Variants in HELZ observed in about 807,000 individuals in gnomAD.
The protein encoded by HELZ is ATP-dependent RNA helicase with zinc finger domain.
In HELZ, 23 loss-of-function variants were observed where a neutral mutation model predicts 218.2. The observed-to-expected ratio is 0.11, with a 90% CI of 0.08 to 0.15. HELZ has a LOEUF of 0.15. Ranked by LOEUF, HELZ falls within the 10% of genes least tolerant of loss-of-function variation. The pLI is 1.00. For missense variants in HELZ, 1,813 were observed against 2,353.7 expected (o/e 0.77, Z 4.75); for synonymous variants, 814 against 829.4 (o/e 0.98, Z 0.32).
chr17:67,164,176 C>T (rs558217807), intron 15 of HELZ, among the ~76,000 whole-genome samples: 1 of 152,262 alleles, frequency 6.6e-6, no homozygotes, highest in Non-Finnish European at 1.5e-5. Context: ...GTACAAAGCT[C>T]AGAGTTTACC....
intron 31 of HELZ, among the ~76,000 whole-genome samples, chr17:67,103,225 C>G (rs1247263926): frequency 6.6e-6 from 1 of 151,972 alleles, no homozygotes; most frequent in Admixed American, 6.5e-5. Flanking sequence ...ACCTAGAAAC[C>G]TAATTAAAAG....
intron 13 of HELZ, among the ~76,000 whole-genome samples, chr17:67,177,047 A>T (rs1490909109): frequency 6.6e-6 from 1 of 150,608 alleles, no homozygotes; most frequent in Admixed American, 6.7e-5. Context: ...ATCATAGCTC[A>T]CTGAAGCCTA....
chr17:67,078,845 G>C (rs2036097557), intron 32 of HELZ, among the ~76,000 whole-genome samples: 1 of 152,170 alleles, frequency 6.6e-6, no homozygotes, highest in East Asian at 1.9e-4. Context: ...CTGAAGGCTT[G>C]CTGAAAAATA....
At position 67,218,705 on chromosome 17, in the gene HELZ, G is replaced by A. The variant is rs576129039; in HGVS notation, c.100C>T (p.Leu34Phe). Residue 34 changes from leucine (L) to phenylalanine (F), a missense_variant, in exon 4 of 33, where the codon CTT becomes TTT. Around this residue, in one of 4 missense-constraint regions of HELZ, gnomAD observed 714 missense variants for 1,029.2 expected, o/e 0.69. Transcript: ENST00000358691. Reference sequence around the variant, plus strand: ...GCCATGGAGTACTGGCCAAGAGAAAGAAGGGCCTCTGTGCAGTGCTTGAGG... The same window carrying A: ...GCCATGGAGTACTGGCCAAGAGAAAAAAGGGCCTCTGTGCAGTGCTTGAGG... ...MALKHCTEAL[L>F]SLGQYSMADF... is the part of the protein sequence containing the mutation. 6.2e-7 allele frequency: 1 copy of A among 1,614,190 alleles called. No homozygotes were observed.
chr17:67,187,004 T>C (rs546041563), intron 12 of HELZ, among the ~76,000 whole-genome samples: 5 of 152,322 alleles, frequency 3.3e-5, no homozygotes, highest in African/African-American at 1.2e-4. Context: ...CATTTGCTTA[T>C]GCATTGTCTA....
At chr17:67,223,924 C>T (rs542744390) in intron 3 of HELZ, among the ~76,000 whole-genome samples, 12 of 152,306 alleles carry the variant, frequency 7.9e-5, no homozygotes, top group African/African-American at 2.6e-4. Context: ...TGATCTGTTG[C>T]TGACCTATAA....
chr17:67,196,080 G>A (rs1397386107), intron 7 of HELZ, among the ~76,000 whole-genome samples: 1 of 151,882 alleles, frequency 6.6e-6, no homozygotes, highest in South Asian at 2.1e-4. Context: ...TCCAACTCCT[G>A]ACCTCAGGTG....
At chr17:67,161,505 G>A (rs2038994039) in intron 15 of HELZ, among the ~76,000 whole-genome samples, 1 of 152,158 alleles carries the variant, frequency 6.6e-6, no homozygotes, top group Non-Finnish European at 1.5e-5. Flanking sequence ...GAAACTATCT[G>A]AATTTCAAAT....
Position 67,078,014 on chromosome 17 carries a change from T to C in HELZ, c.*238A>G, listed in dbSNP as rs1477069534. ...CAAACATATGTAACAATACACAAAT[T>C]TAAAAATTTTTTTATTCTACATAAA... On this transcript the variant is annotated 3_prime_UTR_variant, in exon 33 of 33. Transcript: ENST00000358691. The C allele has an allele frequency of 3.0e-6, 1 of 338,246 alleles. No individual in the cohort carries two copies. The highest frequency in any genetic ancestry group is 4.5e-5 in the Admixed American group (1 of 22,400). The allele number at this position is 338,246 out of a possible 1,614,324, so 21.0% of individuals were successfully genotyped here. A position where few individuals can be genotyped will look rare whatever the true frequency, so the allele number is the denominator to read the frequency against.
At chr17:67,121,688 C>T (rs1038933047) in intron 26 of HELZ, among the ~76,000 whole-genome samples, 2 of 152,098 alleles carry the variant, frequency 1.3e-5, no homozygotes, top group South Asian at 2.1e-4. Flanking sequence ...TGAAAATACT[C>T]GTGTCAGCAA....
intron 4 of HELZ, among the ~76,000 whole-genome samples, chr17:67,216,931 T>G (rs2143284872): frequency 6.6e-6 from 1 of 152,282 alleles, no homozygotes; most frequent in African/African-American, 2.4e-5. Context: ...CCCCAACCTC[T>G]TGACACTGCA....
chr17:67,207,248 T>C (rs1353215617), intron 5 of HELZ, among the ~76,000 whole-genome samples: 2 of 118,268 alleles, frequency 1.7e-5, no homozygotes, highest in African/African-American at 6.9e-5. Flanking sequence ...TGAGATGGAG[T>C]CTCGCTTTGT....
At chr17:67,195,514 T>C (rs374959151) in intron 7 of HELZ, 44 bp from the exon 8 acceptor site, 51 of 1,119,002 alleles carry the variant, frequency 4.6e-5, no homozygotes, top group African/African-American at 1.8e-4. Flanking sequence ...AAGAATAACG[T>C]TGATGCTGAA....
chr17:67,129,754 G>A (rs956855104), intron 23 of HELZ, among the ~76,000 whole-genome samples: 15 of 151,962 alleles, frequency 9.9e-5, no homozygotes, highest in Middle Eastern at 3.2e-3. Flanking sequence ...TTTACATACC[G>A]TTGTTTCTAG....
intron 32 of HELZ, among the ~76,000 whole-genome samples, chr17:67,082,549 T>G (rs1268655333): frequency 1.3e-5 from 2 of 152,202 alleles, no homozygotes; most frequent in Non-Finnish European, 2.9e-5. Context: ...AATTTTATAG[T>G]ACTATTTAAA....
At chr17:67,087,590 C>T (rs2036431628) in intron 31 of HELZ, among the ~76,000 whole-genome samples, 1 of 152,164 alleles carries the variant, frequency 6.6e-6, no homozygotes, top group South Asian at 2.1e-4. Flanking sequence ...TTTCTTTAGA[C>T]CTGATGGCAA....
At chr17:67,211,085 A>G (rs2040438048) in intron 5 of HELZ, among the ~76,000 whole-genome samples, 1 of 152,210 alleles carries the variant, frequency 6.6e-6, no homozygotes. Context: ...TTCACTATCC[A>G]GAATACAACA....
At position 67,148,628 on chromosome 17, in the gene HELZ, A is replaced by G; in HGVS notation, c.2562T>C (p.Ala854=). ...LLDRLYEHYP[A]EFPCRILLCE... is the part of the protein sequence containing the mutation. ...ACAGGAGAATCCTACATGGGAACTC[A>G]GCAGGGTAATGCTCATAGAGTCGGT... Residue 854 remains alanine, a synonymous_variant, in exon 20 of 33, where the codon GCT becomes GCC. Transcript: ENST00000358691. 1 of 1,613,930 alleles carries G rather than the reference A, an allele frequency of 6.2e-7. No homozygotes were observed.
intron 21 of HELZ, among the ~76,000 whole-genome samples, chr17:67,140,915 A>C (rs1291309886): frequency 6.6e-6 from 1 of 152,240 alleles, no homozygotes; most frequent in African/African-American, 2.4e-5. Flanking sequence ...GAAAGCAGTA[A>C]GAAAACATAT....
Sources: allele counts gnomAD v4.1 joint callset (sites outside exome capture counted in the v4.1 genomes callset), GRCh38; gene constraint gnomAD v4.1.1; regional missense constraint gnomAD v4.1.1; transcripts MANE v1.5; gene names NCBI Gene and HGNC (gene_info 2026-07-23, HGNC 2026-07-21).